STARD3: variants seen among roughly 807,000 people sequenced by gnomAD.
The protein encoded by STARD3 is StAR related lipid transfer domain containing 3.
A neutral mutation model predicts 62.0 loss-of-function variants in STARD3; 39 were observed. The observed-to-expected ratio is 0.63, with a 90% CI of 0.49 to 0.82. The LOEUF (loss-of-function observed/expected upper bound fraction) is 0.82, where lower values mean the gene tolerates loss of function less well. Among genes scored for constraint, STARD3 ranks in the 40% least tolerant of loss-of-function variants. The probability of loss-of-function intolerance (pLI) is 0.00; values close to 1 mark genes in which losing one functional copy is unlikely to be tolerated. For missense variants in STARD3, 543 were observed against 584.5 expected, an observed-to-expected ratio of 0.93 and a Z score of 0.73; for synonymous variants, 229 against 242.4, an observed-to-expected ratio of 0.94 and a Z score of 0.51.
At position 39,661,067 on chromosome 17, in the gene STARD3, C is replaced by G. The variant is rs571348195; in HGVS notation, c.1121C>G (p.Pro374Arg). Residue 374 changes from proline to arginine, a missense_variant, in exon 13 of 15, where the codon CCG becomes CGG. Transcript: ENST00000336308. ...GCCACCTCACACAGTGCCAAGCCCC[C>G]GACGCACAAATATGTCCGGTGAGCC... is the stretch of plus-strand genomic sequence containing the variant. ...GIATSHSAKP[P>R]THKYVRGENG... 6.2e-7 allele frequency: 1 copy of G among 1,613,650 alleles called. No homozygotes were observed. Among genetic ancestry groups the G allele is most frequent in the South Asian group, 1.1e-5 (1 of 91,076 alleles).
chr17:39,656,907 C>A, intron 2 of STARD3, 101 bp from the exon 3 acceptor site: 1 of 1,168,260 alleles, frequency 8.6e-7, no homozygotes, highest in Non-Finnish European at 1.3e-6. Context: ...GCCTCCCCTC[C>A]AGGTTCCTCC....
intron 1 of STARD3, among the ~76,000 whole-genome samples, chr17:39,648,704 A>G (rs1421444152): frequency 6.6e-6 from 1 of 151,698 alleles, no homozygotes; most frequent in African/African-American, 2.4e-5. Context: ...CTCTTGGCCA[A>G]CTGTCCCCGC....
rs1197596788 is a variant in STARD3 at position 39,660,611 on chromosome 17, G to C, written c.954+85G>C. 6.7e-7 allele frequency: 1 copy of C among 1,492,600 alleles called. No homozygotes were observed. The highest frequency in any genetic ancestry group is 9.3e-7 in the Non-Finnish European group (1 of 1,074,426). 92.5% of individuals were successfully genotyped at this position (1,492,600 alleles called of 1,614,324 possible). A position where few individuals can be genotyped will look rare whatever the true frequency, so the allele number is the denominator to read the frequency against. The stretch of plus-strand genomic sequence containing the variant: ...GATCACTGAAGCACTCAGCGCCTCA[G>C]CTGCCCCATCTGTACAGTGGGTGTG... On this transcript the variant is annotated intron_variant, in intron 11 of 14. Coordinates refer to ENST00000336308, the MANE Select transcript of STARD3 (RefSeq NM_006804.4). The surrounding 1 kb of genome is among the most constrained non-coding windows in gnomAD (Gnocchi z 4.8).
intron 8 of STARD3, 131 bp downstream of exon 8, chr17:39,659,237 T>A: frequency 8.2e-7 from 1 of 1,225,466 alleles, no homozygotes; most frequent in South Asian, 1.3e-5. Flanking sequence ...CATCCGAGTG[T>A]CTCCCCCACC....
Position 39,661,061 on chromosome 17 carries a change from A to G in STARD3, c.1115A>G (p.Lys372Arg). The G allele has an allele frequency of 6.2e-7, 1 of 1,613,636 alleles. No homozygotes were observed. Among genetic ancestry groups the G allele is most frequent in the Non-Finnish European group, 8.5e-7 (1 of 1,180,014 alleles). ...SSGIATSHSAKPPTHKYVRGE... is the reference protein window; with the variant it reads ...SSGIATSHSARPPTHKYVRGE... ...GGGATCGCCACCTCACACAGTGCCA[A>G]GCCCCCGACGCACAAATATGTCCGG... The change falls in exon 13 of 15, where the codon AAG becomes AGG. Residue 372 changes from lysine to arginine, a missense_variant. Coordinates refer to ENST00000336308, the MANE Select transcript of STARD3 (RefSeq NM_006804.4).
intron 1 of STARD3, among the ~76,000 whole-genome samples, chr17:39,640,776 T>C (rs2056976558): frequency 3.3e-5 from 5 of 152,144 alleles, no homozygotes; most frequent in African/African-American, 1.2e-4. Flanking sequence ...TCTCAGTGTG[T>C]TAGGGTCTTC....
intron 1 of STARD3, among the ~76,000 whole-genome samples, chr17:39,651,403 C>T (rs189410429): frequency 6.6e-6 from 1 of 152,288 alleles, no homozygotes. Flanking sequence ...GATCTTGCCT[C>T]CCAAGATCAG....
At position 39,663,861 on chromosome 17, in the gene STARD3, G is replaced by A. The variant is rs1261228711; in HGVS notation, c.*953G>A. 1.3e-5 allele frequency among the ~76,000 whole-genome samples: 2 copies of A among 152,092 alleles called. No individual in the cohort carries two copies. The highest frequency in any genetic ancestry group is 1.3e-4 in the Admixed American group (2 of 15,278). On this transcript the variant is annotated 3_prime_UTR_variant, in exon 15 of 15. Transcript: ENST00000336308. ...TTCAGGGTCACTGAGGCACCTCTGG[G>A]ATCCAGGCCACCTGGAGCCCCGGAC... is the stretch of plus-strand genomic sequence containing the variant.
At chr17:39,644,425 A>G (rs921108044) in intron 1 of STARD3, among the ~76,000 whole-genome samples, 3 of 152,076 alleles carry the variant, frequency 2.0e-5, no homozygotes, top group Admixed American at 6.5e-5. Flanking sequence ...TAGGCACGCT[A>G]TAGTTATCAT....
chr17:39,659,317 C>T (rs1166453413), intron 8 of STARD3, 144 bp from the exon 9 acceptor site: 16 of 980,654 alleles, frequency 1.6e-5, no homozygotes, highest in Admixed American at 4.7e-5. Context: ...CCTGCAGGGC[C>T]CAGGGAGACC....
At position 39,657,960 on chromosome 17, in the gene STARD3, C is replaced by T. The variant is rs777792111; in HGVS notation, c.376-13C>T. 1.7e-5 allele frequency: 27 copies of T among 1,598,416 alleles called. No homozygotes were observed. Among genetic ancestry groups the T allele is most frequent in the South Asian group, 2.3e-5 (2 of 88,010 alleles). The stretch of plus-strand genomic sequence containing the variant: ...CCTCTGCCTTCCCCTTCCTCCCTCC[C>T]TCCCCTGGGCAGGTCACGACGCTGG... On this transcript the variant is annotated splice_polypyrimidine_tract_variant and intron_variant, in intron 4 of 14. Coordinates refer to ENST00000336308, the MANE Select transcript of STARD3 (RefSeq NM_006804.4).
intron 1 of STARD3, among the ~76,000 whole-genome samples, chr17:39,643,150 G>A (rs550987717): frequency 1.1e-3 from 174 of 152,128 alleles, no homozygotes; most frequent in Admixed American, 2.5e-3. Context: ...ATAGTGGTAG[G>A]TGAGCAGTGG....
At chr17:39,639,530 C>G (rs951136035) in intron 1 of STARD3, among the ~76,000 whole-genome samples, 1 of 152,204 alleles carries the variant, frequency 6.6e-6, no homozygotes, top group African/African-American at 2.4e-5. Flanking sequence ...GCTCAGAGAT[C>G]AGAAAGCTGG....
chr17:39,660,066 G>C lies in STARD3; in HGVS notation c.796-145G>C. ...ATAGGTTTGTTAGAGCTACTGTTTT[G>C]TAACAGCTGCTCAGGTGTCCCCAAA... On this transcript the variant is annotated intron_variant, in intron 9 of 14. Coordinates refer to ENST00000336308, the MANE Select transcript of STARD3 (RefSeq NM_006804.4). This position sits in a 1 kb window ranked among gnomAD's most constrained non-coding sequence, Gnocchi z 4.8. 1.3e-6 allele frequency: 1 copy of C among 745,152 alleles called. No homozygotes were observed. Among genetic ancestry groups the C allele is most frequent in the Non-Finnish European group, 2.3e-6 (1 of 429,982 alleles). 46.2% of individuals were successfully genotyped at this position (745,152 alleles called of 1,614,324 possible).
chr17:39,653,845 G>T, intron 2 of STARD3, 95 bp downstream of exon 2: 3 of 1,424,416 alleles, frequency 2.1e-6, no homozygotes, highest in Non-Finnish European at 2.9e-6. Context: ...CTCTCCCCTG[G>T]GGTTGGTTAG....
At chr17:39,639,775 A>G (rs1445955611) in intron 1 of STARD3, among the ~76,000 whole-genome samples, 1 of 152,198 alleles carries the variant, frequency 6.6e-6, no homozygotes, top group Non-Finnish European at 1.5e-5. Flanking sequence ...GCCATTGTGC[A>G]TGCCTTTGGG....
intron 8 of STARD3, 78 bp from the exon 9 acceptor site, chr17:39,659,383 C>A: frequency 7.1e-7 from 1 of 1,412,788 alleles, no homozygotes; most frequent in Non-Finnish European, 1.0e-6. Context: ...TGTGGTATGT[C>A]TAGAGAGAGA....
Position 39,664,191 on chromosome 17 carries a change from G to A in STARD3, c.*1283G>A, listed in dbSNP as rs1301354829. The A allele has an allele frequency of 3.3e-5, 5 of 152,376 alleles. No individual in the cohort carries two copies. The highest frequency in any genetic ancestry group is 2.6e-4 in the Admixed American group (4 of 15,292). The allele number at this position is 152,376 out of a possible 1,614,324, so 9.4% of individuals were successfully genotyped here. ...GGGTTGTTATGAGATTAAAAGATAT[G>A]AAGAACCGGGGACAGTGCTCAGTAA... On this transcript the variant is annotated 3_prime_UTR_variant, in exon 15 of 15. Transcript: ENST00000336308.
Position 39,660,252 on chromosome 17 carries a change from C to T in STARD3, c.837C>T (p.His279=), listed in dbSNP as rs749872426. The T allele has an allele frequency of 3.7e-6, 6 of 1,613,950 alleles. No homozygotes were observed. The highest frequency in any genetic ancestry group is 1.7e-5 in the Admixed American group (1 of 59,998). ...TGTACACCATTGAAGTTCCCTTTCACGGCAAGACGTTTATCCTGAAGGTGA... is the reference window on the plus strand; with the variant it reads ...TGTACACCATTGAAGTTCCCTTTCATGGCAAGACGTTTATCCTGAAGGTGA... ...DTVYTIEVPF[H]GKTFILKTFL... is the part of the protein sequence containing the mutation. Residue 279 remains histidine (H), a synonymous_variant, in exon 10 of 15, where the codon CAC becomes CAT. Coordinates refer to ENST00000336308, the MANE Select transcript of STARD3 (RefSeq NM_006804.4). This position sits in a 1 kb window ranked among gnomAD's most constrained non-coding sequence, Gnocchi z 4.8.
Sources: gnomAD v4.1 joint callset for allele counts (sites outside exome capture counted in the v4.1 genomes callset) on GRCh38, gnomAD v4.1.1 for gene constraint, Gnocchi (gnomAD v3.1) non-coding constraint, MANE v1.5 for transcripts, NCBI Gene and HGNC (gene_info 2026-07-23, HGNC 2026-07-21) for gene names.